The following GNG7 variants were observed in gnomAD, a reference collection of about 807,000 sequenced individuals.
The protein encoded by GNG7 is guanine nucleotide-binding protein G(I)/G(S)/G(O) subunit gamma-7.
In GNG7, 1 loss-of-function variant was observed where a neutral mutation model predicts 4.0. That is an observed-to-expected ratio of 0.25 (90% CI 0.09 to 1.18). The LOEUF (loss-of-function observed/expected upper bound fraction) is 1.18. GNG7 is among the 50% of genes most tolerant of loss of function. The pLI, the probability that GNG7 is intolerant of heterozygous loss-of-function variation, is 0.50. For synonymous variants in GNG7, 34 were observed against 36.9 expected (o/e 0.92, Z 0.29); for missense variants, 86 against 91.9 (o/e 0.94, Z 0.26).
intron 3 of GNG7, among the ~76,000 whole-genome samples, chr19:2,548,313 T>C (rs990018079): frequency 1.3e-5 from 2 of 150,898 alleles, no homozygotes; most frequent in Non-Finnish European, 3.0e-5. Flanking sequence ...ACCTGGTCTC[T>C]ACTAAAATAC....
chr19:2,687,128 G>A (rs1983892388), intron 1 of GNG7, among the ~76,000 whole-genome samples: 1 of 151,716 alleles, frequency 6.6e-6, no homozygotes, highest in South Asian at 2.1e-4. Context: ...CATGATCTTG[G>A]CTCACTGCAG....
At chr19:2,527,201 C>T (rs1431994482) in intron 3 of GNG7, among the ~76,000 whole-genome samples, 1 of 152,172 alleles carries the variant, frequency 6.6e-6, no homozygotes, top group Non-Finnish European at 1.5e-5. Flanking sequence ...AAACATAGTC[C>T]AGGGAGCCCC....
At chr19:2,551,383 C>T (rs1193681100) in intron 3 of GNG7, among the ~76,000 whole-genome samples, 1 of 152,176 alleles carries the variant, frequency 6.6e-6, no homozygotes, top group Non-Finnish European at 1.5e-5. Context: ...CTGTCTTCGT[C>T]GTCATCCTGA....
chr19:2,531,318 A>T (rs1978578564), intron 3 of GNG7, among the ~76,000 whole-genome samples: 1 of 150,366 alleles, frequency 6.7e-6, no homozygotes, highest in South Asian at 2.1e-4. Flanking sequence ...AAAAAAAAAA[A>T]AAAAAAAAAA....
At chr19:2,591,009 A>T (rs1366697231) in intron 2 of GNG7, among the ~76,000 whole-genome samples, 1 of 152,200 alleles carries the variant, frequency 6.6e-6, no homozygotes, top group Non-Finnish European at 1.5e-5. Flanking sequence ...ATATTTGCAA[A>T]TCCTGGTGCA....
intron 1 of GNG7, among the ~76,000 whole-genome samples, chr19:2,697,322 C>T (rs532755126): frequency 2.6e-5 from 4 of 152,250 alleles, no homozygotes; most frequent in South Asian, 2.1e-4. Flanking sequence ...CGAACCCCAC[C>T]GCCCATCCGT....
intron 1 of GNG7, among the ~76,000 whole-genome samples, chr19:2,656,430 T>C (rs1013976631): frequency 3.3e-5 from 5 of 152,046 alleles, no homozygotes; most frequent in East Asian, 1.9e-4. Context: ...GGCGAAACCC[T>C]GTCTCTACTA....
At chr19:2,613,636 C>T (rs551952376) in intron 2 of GNG7, among the ~76,000 whole-genome samples, 4 of 151,604 alleles carry the variant, frequency 2.6e-5, no homozygotes, top group East Asian at 3.9e-4. Flanking sequence ...CTAACCTGGG[C>T]GGGGGGTCTC....
chr19:2,559,843 T>C (rs2907334), intron 2 of GNG7, among the ~76,000 whole-genome samples: 122,288 of 151,642 alleles, frequency 0.81, 49,507 homozygotes, highest in African/African-American at 0.85. Flanking sequence ...CTATCGATGA[T>C]GTGAGTGTTG....
At chr19:2,661,273 A>AAGGAAGGAAGGAAG (rs1568277681) in intron 1 of GNG7, among the ~76,000 whole-genome samples, 3 of 48,044 alleles carry the variant, frequency 6.2e-5, no homozygotes, top group African/African-American at 9.1e-5. Context: ...AAGAAAGAAA[A>AAGGAAGGAAGGAAG]GAAAGAAAGA....
chr19:2,535,850 G>T (rs1978719199), intron 3 of GNG7, among the ~76,000 whole-genome samples: 1 of 152,134 alleles, frequency 6.6e-6, no homozygotes, highest in Admixed American at 6.6e-5. Flanking sequence ...CCTGGGCCAG[G>T]TGTGGTGGCT....
At chr19:2,686,247 A>T (rs1403551971) in intron 1 of GNG7, among the ~76,000 whole-genome samples, 2 of 149,584 alleles carry the variant, frequency 1.3e-5, no homozygotes, top group East Asian at 2.0e-4. Flanking sequence ...AACCTCCGCC[A>T]CCCGCGTTCA....
chr19:2,590,704 TCCAC>T (rs1207240319), intron 2 of GNG7, among the ~76,000 whole-genome samples: 1 of 144,010 alleles, frequency 6.9e-6, no homozygotes, highest in Middle Eastern at 3.4e-3. Flanking sequence ...CATCCATCCA[TCCAC>T]CCATTCATCC....
chr19:2,680,601 G>A (rs922722085), intron 1 of GNG7, among the ~76,000 whole-genome samples: 2 of 133,936 alleles, frequency 1.5e-5, no homozygotes, highest in African/African-American at 5.7e-5. Context: ...TTGAGATGGA[G>A]TTTCCCTCTT....
chr19:2,669,488 T>C (rs969777865), intron 1 of GNG7, among the ~76,000 whole-genome samples: 11 of 152,112 alleles, frequency 7.2e-5, no homozygotes, highest in Admixed American at 6.5e-5. Context: ...AGACTCTGTC[T>C]CAAAACAAAC....
At position 2,634,380 on chromosome 19, in the gene GNG7, T is replaced by TCC. The variant is rs1285225260; in HGVS notation, c.-78+11842_-78+11843dup. 6.6e-6 allele frequency among the ~76,000 whole-genome samples: 1 copy of TCC among 152,034 alleles called. No homozygotes were observed. The highest frequency in any genetic ancestry group is 1.5e-5 in the Non-Finnish European group (1 of 68,000). Reference sequence around the variant, plus strand: ...CAGATGTCCCAGAAATTGCTCAGTGTCCCCGGGGTTGGGGGTGGGGGGCGG... The same window carrying TCC: ...CAGATGTCCCAGAAATTGCTCAGTGTCCCCCCGGGGTTGGGGGTGGGGGGCGG... On this transcript the variant is annotated intron_variant, in intron 2 of 4. Transcript: ENST00000382159. This position sits in a 1 kb window ranked among gnomAD's most constrained non-coding sequence, Gnocchi z 5.3.
rs1432022720 is a variant in GNG7 at position 2,596,448 on chromosome 19, C to T, written c.-77-41260G>A. On this transcript the variant is annotated intron_variant, in intron 2 of 4. Transcript: ENST00000382159. ...TTGAAAGGCTGAGGCAGGAAAATCA[C>T]TTGAGCCCAGGAGTTTCAGACCAGC... is the stretch of plus-strand genomic sequence containing the variant. 2.0e-5 allele frequency among the ~76,000 whole-genome samples: 3 copies of T among 152,100 alleles called. No individual in the cohort carries two copies. In the East Asian group the frequency reaches 5.8e-4, roughly 29 times the overall value.
In GNG7 at chr19:2,611,107, C is replaced by T. The variant is rs1333801081; in HGVS notation, c.-78+35117G>A. ...TCTGCTTTCTGGGAAGTGGGCCCCT[C>T]GCACCGGGTGCGGCGCCCAGGGTTC... is the stretch of plus-strand genomic sequence containing the variant. On this transcript the variant is annotated intron_variant, in intron 2 of 4. Coordinates refer to ENST00000382159, the MANE Select transcript of GNG7 (RefSeq NM_052847.3). The surrounding 1 kb of genome is among the most constrained non-coding windows in gnomAD (Gnocchi z 6.0). The T allele has an allele frequency of 6.6e-6, 1 of 152,194 alleles. No homozygotes were observed. The highest frequency in any genetic ancestry group is 2.1e-4 in the South Asian group (1 of 4,826). The allele number at this position is 152,194 out of a possible 1,614,324, so 9.4% of individuals were successfully genotyped here.
At chr19:2,585,007 G>A (rs867596637) in intron 2 of GNG7, among the ~76,000 whole-genome samples, 2 of 66,400 alleles carry the variant, frequency 3.0e-5, no homozygotes, top group South Asian at 6.1e-4. Context: ...AAGGAAGGAA[G>A]GAAAGAAGGA....
Sources: allele counts gnomAD v4.1 joint callset (sites outside exome capture counted in the v4.1 genomes callset), GRCh38; gene constraint gnomAD v4.1.1; non-coding constraint Gnocchi (gnomAD v3.1); transcripts MANE v1.5; gene names NCBI Gene and HGNC (gene_info 2026-07-23, HGNC 2026-07-21).